Variants in ACER2 observed in about 807,000 individuals in gnomAD.
ACER2 encodes alkaline ceramidase 2.
Under a neutral mutation model 34.7 loss-of-function variants are expected in ACER2, and 26 were observed. The ratio of observed to expected loss-of-function variants is 0.75; its 90% CI spans 0.55 to 1.04. The LOEUF is 1.04. Among genes scored for constraint, ACER2 ranks in the 50% least tolerant of loss-of-function variants. ACER2 has a pLI of 0.00. For missense variants in ACER2, 352 were observed against 340.8 expected (o/e 1.03, Z -0.26); for synonymous variants, 138 against 132.1 (o/e 1.04, Z -0.31).
chr9:19,420,918 C>T (rs1021858219), intron 1 of ACER2, among the ~76,000 whole-genome samples: 1 of 152,130 alleles, frequency 6.6e-6, no homozygotes, highest in Non-Finnish European at 1.5e-5. Context: ...CCTCTTAGTA[C>T]AGTTGTGTGA....
At chr9:19,410,617 G>A (rs1175557603) in intron 1 of ACER2, among the ~76,000 whole-genome samples, 1 of 152,170 alleles carries the variant, frequency 6.6e-6, no homozygotes, top group Non-Finnish European at 1.5e-5. Flanking sequence ...AGCTGAGGTG[G>A]GAGGATCACC....
At chr9:19,447,390 C>T (rs955924036) in intron 5 of ACER2, among the ~76,000 whole-genome samples, 2 of 152,132 alleles carry the variant, frequency 1.3e-5, no homozygotes, top group African/African-American at 4.8e-5. Flanking sequence ...TGCTATGAGA[C>T]CCACCCTACT....
chr9:19,435,873 C>T (rs910880805), intron 4 of ACER2, among the ~76,000 whole-genome samples: 5 of 151,238 alleles, frequency 3.3e-5, no homozygotes, highest in African/African-American at 1.2e-4. Context: ...CACAGTGAAA[C>T]CCCGTCTCTA....
intron 1 of ACER2, among the ~76,000 whole-genome samples, chr9:19,412,316 T>C (rs1349604865): frequency 6.6e-6 from 1 of 152,218 alleles, no homozygotes; most frequent in Non-Finnish European, 1.5e-5. Flanking sequence ...CTAGATATTT[T>C]CTAGGCATAT....
chr9:19,446,681 T>C, intron 5 of ACER2: 20 of 965,090 alleles, frequency 2.1e-5, no homozygotes, highest in Non-Finnish European at 2.5e-5. Flanking sequence ...AACTCCATTA[T>C]TAAAGCCTAA....
intron 3 of ACER2, among the ~76,000 whole-genome samples, chr9:19,429,412 A>T (rs1237536350): frequency 6.6e-6 from 1 of 152,060 alleles, no homozygotes; most frequent in East Asian, 1.9e-4. Flanking sequence ...GCTCACTGCA[A>T]CCTCTGCTTC....
intron 4 of ACER2, among the ~76,000 whole-genome samples, chr9:19,438,671 T>G (rs956730437): frequency 6.6e-6 from 1 of 152,260 alleles, no homozygotes; most frequent in African/African-American, 2.4e-5. Flanking sequence ...TGGATTTAGC[T>G]CTGTTTCTTG....
chr9:19,441,201 C>T (rs1831144896), intron 4 of ACER2, among the ~76,000 whole-genome samples: 1 of 152,020 alleles, frequency 6.6e-6, no homozygotes, highest in African/African-American at 2.4e-5. Context: ...AGGCATGTGC[C>T]ACCATGCCTG....
chr9:19,416,433 T>C (rs1020718572), intron 1 of ACER2, among the ~76,000 whole-genome samples: 2 of 152,236 alleles, frequency 1.3e-5, no homozygotes, highest in African/African-American at 4.8e-5. Flanking sequence ...TCTGTGCAGA[T>C]TGGCTCTCTG....
At chr9:19,410,498 C>G (rs913329811) in intron 1 of ACER2, among the ~76,000 whole-genome samples, 1 of 152,132 alleles carries the variant, frequency 6.6e-6, no homozygotes, top group Non-Finnish European at 1.5e-5. Flanking sequence ...TCGCTTGAAT[C>G]CAGGAGTTCG....
chr9:19,439,336 G>A (rs974587305), intron 4 of ACER2, among the ~76,000 whole-genome samples: 11 of 127,676 alleles, frequency 8.6e-5, no homozygotes, highest in Non-Finnish European at 1.5e-4. Context: ...CCTCTCTAAA[G>A]GGGCTTGCTT....
At chr9:19,443,094 G>A (rs750045313) in intron 4 of ACER2, among the ~76,000 whole-genome samples, 3 of 150,558 alleles carry the variant, frequency 2.0e-5, no homozygotes, top group Admixed American at 1.3e-4. Flanking sequence ...GCAGTGGCGC[G>A]ATCTCGGCTC....
intron 1 of ACER2, among the ~76,000 whole-genome samples, chr9:19,418,359 A>C (rs1830298197): frequency 6.6e-6 from 1 of 152,214 alleles, no homozygotes; most frequent in Non-Finnish European, 1.5e-5. Context: ...ATATACCCAA[A>C]GGATTATAAA....
intron 5 of ACER2, among the ~76,000 whole-genome samples, chr9:19,448,703 T>G (rs1229152844): frequency 6.6e-6 from 1 of 152,230 alleles, no homozygotes; most frequent in African/African-American, 2.4e-5. Flanking sequence ...TTAACCTGTT[T>G]GAGAAAAATT....
chr9:19,424,528 T>C, intron 2 of ACER2, 172 bp from the exon 3 acceptor site: 2 of 985,428 alleles, frequency 2.0e-6, no homozygotes, highest in Non-Finnish European at 2.4e-6. Context: ...CTTTCTAGAC[T>C]GGAGGCATGC....
chr9:19,431,711 T>C (rs1589051011), intron 3 of ACER2, among the ~76,000 whole-genome samples: 1 of 152,216 alleles, frequency 6.6e-6, no homozygotes, highest in Admixed American at 6.5e-5. Flanking sequence ...TTCCCACATA[T>C]ATTTTTTCCT....
chr9:19,446,488 C>G, intron 5 of ACER2, 70 bp downstream of exon 5: 1 of 1,604,346 alleles, frequency 6.2e-7, no homozygotes, highest in Non-Finnish European at 8.5e-7. Flanking sequence ...CTCTGTTCAC[C>G]CTGCAAGTGG....
At chr9:19,434,060 G>T (rs1405213232) in intron 3 of ACER2, among the ~76,000 whole-genome samples, 1 of 148,190 alleles carries the variant, frequency 6.7e-6, no homozygotes. Context: ...CTCAGACGGG[G>T]CGGCCGGGCA....
rs377000250 is a variant in ACER2 at position 19,432,236 on chromosome 9, A to G, written c.366-2711A>G. Among the ~76,000 whole-genome samples, 13 of 152,344 alleles carry G rather than the reference A, an allele frequency of 8.5e-5. No individual in the cohort carries two copies. The East Asian group carries it at 1.3e-3, about 16-fold the overall frequency. On this transcript the variant is annotated intron_variant, in intron 3 of 5. Transcript: ENST00000340967. ...ATACTAGACTTGTAGGTTGTCAGTA[A>G]ATATAGACTATTTTTTCTTAGTCTA...
Sources: gnomAD v4.1 joint callset for allele counts (sites outside exome capture counted in the v4.1 genomes callset) on GRCh38, gnomAD v4.1.1 for gene constraint, MANE v1.5 for transcripts, NCBI Gene and HGNC (gene_info 2026-07-23, HGNC 2026-07-21) for gene names.